The following DYM variants were observed in gnomAD, a reference collection of about 807,000 sequenced individuals.
The protein encoded by DYM is dyggve-Melchior-Clausen syndrome protein.
Under a neutral mutation model 93.1 loss-of-function variants are expected in DYM, and 78 were observed. The observed-to-expected ratio is 0.84, with a 90% confidence interval of 0.70 to 1.01. The LOEUF (loss-of-function observed/expected upper bound fraction) is 1.01. Ranked by LOEUF, DYM falls within the 50% of genes least tolerant of loss-of-function variation. The probability of loss-of-function intolerance (pLI) is 0.00; values close to 1 mark genes in which losing one functional copy is unlikely to be tolerated. For synonymous variants in DYM, 321 were observed against 319.7 expected (o/e 1.00, Z -0.04); for missense variants, 789 against 845.0 (o/e 0.93, Z 0.82).
chr18:49,248,090 T>C (rs1282245423), intron 13 of DYM, among the ~76,000 whole-genome samples: 3 of 152,248 alleles, frequency 2.0e-5, no homozygotes, highest in Non-Finnish European at 4.4e-5. Context: ...AAGAGCAAGC[T>C]AATTCTATCT....
chr18:49,122,108 T>C (rs1227900644), intron 15 of DYM, among the ~76,000 whole-genome samples: 3 of 152,182 alleles, frequency 2.0e-5, no homozygotes, highest in Non-Finnish European at 4.4e-5. Flanking sequence ...CTGATGGACA[T>C]CCAATATATA....
At chr18:49,309,377 A>G (rs890817239) in intron 8 of DYM, among the ~76,000 whole-genome samples, 1 of 152,186 alleles carries the variant, frequency 6.6e-6, no homozygotes, top group African/African-American at 2.4e-5. Context: ...GCTCATGTCC[A>G]TAATCCCAGC....
chr18:49,323,412 T>G (rs1267801619), intron 8 of DYM, among the ~76,000 whole-genome samples: 1 of 152,162 alleles, frequency 6.6e-6, no homozygotes, highest in Admixed American at 6.5e-5. Context: ...ACTTAATACC[T>G]GGTATGGACT....
intron 8 of DYM, among the ~76,000 whole-genome samples, chr18:49,331,031 T>C (rs2063268945): frequency 6.6e-6 from 1 of 152,222 alleles, no homozygotes; most frequent in Non-Finnish European, 1.5e-5. Context: ...CAGTGCTACC[T>C]TTTCATATCA....
At chr18:49,208,182 CA>C (rs138264681) in intron 14 of DYM, among the ~76,000 whole-genome samples, 1,537 of 58,246 alleles carry the variant, frequency 0.026, 9 homozygotes, top group African/African-American at 0.056. Context: ...GACTCCATCT[CA>C]AAAAAAAAAA....
chr18:49,063,447 G>T (rs545244766), intron 17 of DYM, among the ~76,000 whole-genome samples: 36 of 151,506 alleles, frequency 2.4e-4, no homozygotes, highest in African/African-American at 8.0e-4. Context: ...ACAGGACTAA[G>T]AAACTAAATG....
At chr18:49,273,549 T>C (rs1481494833) in intron 10 of DYM, among the ~76,000 whole-genome samples, 2 of 152,178 alleles carry the variant, frequency 1.3e-5, no homozygotes, top group Non-Finnish European at 2.9e-5. Context: ...TACAACATCA[T>C]ATTTTTACTG....
At chr18:49,161,167 A>G (rs2087073222) in intron 15 of DYM, among the ~76,000 whole-genome samples, 1 of 152,216 alleles carries the variant, frequency 6.6e-6, no homozygotes, top group South Asian at 2.1e-4. Context: ...GCTTTAAGAA[A>G]TTCATTTTTA....
intron 17 of DYM, among the ~76,000 whole-genome samples, chr18:49,091,582 G>A (rs538729805): frequency 3.3e-5 from 5 of 152,166 alleles, no homozygotes; most frequent in East Asian, 1.9e-4. Flanking sequence ...TTCACACAGC[G>A]GCTGATGTTA....
At chr18:49,060,385 G>A (rs919925191) in intron 17 of DYM, among the ~76,000 whole-genome samples, 2 of 151,950 alleles carry the variant, frequency 1.3e-5, no homozygotes, top group African/African-American at 4.8e-5. Flanking sequence ...CAGTGCTGGT[G>A]CGGATGCTTC....
intron 6 of DYM, among the ~76,000 whole-genome samples, chr18:49,362,116 T>A (rs1278970281): frequency 6.6e-6 from 1 of 151,072 alleles, no homozygotes; most frequent in Non-Finnish European, 1.5e-5. Flanking sequence ...TACACCTGCC[T>A]CAGGCTCCCA....
intron 15 of DYM, among the ~76,000 whole-genome samples, chr18:49,163,191 G>C (rs910386016): frequency 6.6e-6 from 1 of 152,032 alleles, no homozygotes; most frequent in African/African-American, 2.4e-5. Flanking sequence ...TCAACCACTT[G>C]TTAACAATCA....
chr18:49,060,026 A>G (rs58408577), intron 17 of DYM, among the ~76,000 whole-genome samples: 5,286 of 152,354 alleles, frequency 0.035, 263 homozygotes, highest in African/African-American at 0.11. Context: ...TAATAAAAAT[A>G]TGAAATATGG....
At chr18:49,334,655 A>C (rs1464908317) in intron 6 of DYM, among the ~76,000 whole-genome samples, 2 of 152,204 alleles carry the variant, frequency 1.3e-5, no homozygotes, top group Non-Finnish European at 2.9e-5. Context: ...AGAATACTAA[A>C]ATATTTTTAT....
chr18:49,055,164 A>C (rs2144493112), intron 17 of DYM, among the ~76,000 whole-genome samples: 1 of 152,156 alleles, frequency 6.6e-6, no homozygotes, highest in South Asian at 2.1e-4. Flanking sequence ...GGGTTGCTGG[A>C]ACTGCATGTG....
At chr18:49,080,629 G>A (rs1401333673) in intron 17 of DYM, among the ~76,000 whole-genome samples, 4 of 147,284 alleles carry the variant, frequency 2.7e-5, no homozygotes, top group South Asian at 2.2e-4. Flanking sequence ...GCGGCTGGCC[G>A]GGCGGGGGGC....
At chr18:49,092,662 T>C (rs1226684013) in intron 17 of DYM, among the ~76,000 whole-genome samples, 1 of 152,212 alleles carries the variant, frequency 6.6e-6, no homozygotes, top group Non-Finnish European at 1.5e-5. Context: ...TTGTAAGAGA[T>C]GCTTTGCTTG....
chr18:49,288,131 T>C (rs1360996546), intron 8 of DYM, among the ~76,000 whole-genome samples: 1 of 152,206 alleles, frequency 6.6e-6, no homozygotes, highest in Non-Finnish European at 1.5e-5. Flanking sequence ...ATACATGGCT[T>C]CTATTATATT....
chr18:49,411,761 T>G (rs1210306022), intron 2 of DYM: 2 of 152,164 alleles, frequency 1.3e-5, no homozygotes, highest in Non-Finnish European at 1.5e-5. Flanking sequence ...AAACTGACAT[T>G]TTATATTAAT....
Sources: gnomAD v4.1 joint callset for allele counts (sites outside exome capture counted in the v4.1 genomes callset) on GRCh38, gnomAD v4.1.1 for gene constraint, MANE v1.5 for transcripts, NCBI Gene and HGNC (gene_info 2026-07-23, HGNC 2026-07-21) for gene names.